Variants in GPC6 observed in about 807,000 individuals in gnomAD.
The protein encoded by GPC6 is glypican 6.
Under a neutral mutation model 55.2 loss-of-function variants are expected in GPC6, and 14 were observed. That is an observed-to-expected ratio of 0.25 (90% confidence interval 0.17 to 0.40). The LOEUF (loss-of-function observed/expected upper bound fraction) is 0.40, where lower values mean the gene tolerates loss of function less well. Among genes scored for constraint, GPC6 ranks in the 10% least tolerant of loss-of-function variants. GPC6 has a pLI of 1.00. For missense variants in GPC6, 641 were observed against 708.5 expected (o/e 0.90, Z 1.08); for synonymous variants, 278 against 259.6 (o/e 1.07, Z -0.68).
intron 4 of GPC6, among the ~76,000 whole-genome samples, chr13:94,156,344 AG>A (rs1036451639): frequency 2.6e-5 from 4 of 152,152 alleles, no homozygotes; most frequent in African/African-American, 9.7e-5. Flanking sequence ...TAGATCTGAA[AG>A]GGGTAATGAA....
intron 4 of GPC6, among the ~76,000 whole-genome samples, chr13:94,132,055 C>T (rs1330902605): frequency 6.6e-6 from 1 of 152,078 alleles, no homozygotes; most frequent in Non-Finnish European, 1.5e-5. Context: ...CTCCCTGGCT[C>T]CATTTCCTGT....
chr13:93,665,283 T>C (rs1164626851), intron 2 of GPC6, among the ~76,000 whole-genome samples: 3 of 152,214 alleles, frequency 2.0e-5, no homozygotes, highest in Non-Finnish European at 4.4e-5. Flanking sequence ...TGCAAAATAA[T>C]TGAACTGATT....
At chr13:93,567,008 A>G (rs1370554738) in intron 2 of GPC6, among the ~76,000 whole-genome samples, 1 of 152,172 alleles carries the variant, frequency 6.6e-6, no homozygotes, top group Non-Finnish European at 1.5e-5. Flanking sequence ...TATTGTGAAC[A>G]GTGCTGTAAT....
intron 1 of GPC6, among the ~76,000 whole-genome samples, chr13:93,533,784 C>A (rs1231468864): frequency 1.3e-5 from 2 of 151,306 alleles, no homozygotes; most frequent in African/African-American, 4.9e-5. Flanking sequence ...GTTGCTCTTG[C>A]TGTCAGCCAC....
At chr13:93,481,639 A>T (rs1391576866) in intron 1 of GPC6, among the ~76,000 whole-genome samples, 1 of 150,074 alleles carries the variant, frequency 6.7e-6, no homozygotes, top group Admixed American at 6.6e-5. Context: ...ATCCAGCTTC[A>T]TTTTTTTTTT....
intron 2 of GPC6, among the ~76,000 whole-genome samples, chr13:93,811,913 GC>G (rs1365695229): frequency 6.6e-6 from 1 of 152,048 alleles, no homozygotes; most frequent in Non-Finnish European, 1.5e-5. Flanking sequence ...CTACCCTGCA[GC>G]CACACTTACT....
At chr13:93,988,682 C>T (rs994725862) in intron 3 of GPC6, among the ~76,000 whole-genome samples, 1 of 151,936 alleles carries the variant, frequency 6.6e-6, no homozygotes, top group African/African-American at 2.4e-5. Flanking sequence ...TCATGAGATC[C>T]CCACCCTCAT....
intron 1 of GPC6, among the ~76,000 whole-genome samples, chr13:93,249,557 A>G (rs1348046643): frequency 6.6e-6 from 1 of 152,202 alleles, no homozygotes; most frequent in African/African-American, 2.4e-5. Context: ...ACTTTTGGGA[A>G]AAAAATGTTA....
chr13:93,746,652 A>T (rs1356923872), intron 2 of GPC6, among the ~76,000 whole-genome samples: 3 of 152,126 alleles, frequency 2.0e-5, no homozygotes, highest in Admixed American at 1.3e-4. Context: ...CATATTCAAG[A>T]CTCTTCTGAT....
chr13:94,372,570 C>T lies in GPC6; in HGVS notation c.1153-9844C>T, dbSNP rs183762204. 3.6e-3 allele frequency among the ~76,000 whole-genome samples: 548 copies of T among 151,592 alleles called. 1 individual carries two copies. Among genetic ancestry groups the T allele is most frequent in the South Asian group, 8.6e-3 (41 of 4,748 alleles). ...CCTGGCTCGGAGGGTCCTACGCCCA[C>T]GGAGTCTCGCTGATTGCTAGCACAG... On this transcript the variant is annotated intron_variant, in intron 6 of 8. Transcript: ENST00000377047.
rs188365389 is a variant in GPC6, at chr13:94,242,093, G to A, written c.878-44256G>A. Among the ~76,000 whole-genome samples the A allele has an allele frequency of 3.3e-3, 480 of 144,092 alleles. 1 individual carries two copies. The highest frequency in any genetic ancestry group is 0.011 in the African/African-American group (447 of 39,516). The allele number at this position is 144,092 out of a possible 152,430, so 94.5% of individuals were successfully genotyped here. On this transcript the variant is annotated intron_variant, in intron 4 of 8. Coordinates refer to ENST00000377047, the MANE Select transcript of GPC6 (RefSeq NM_005708.5). ...CTCCCCCCACCCCACAACAGGCCCCGGTGTGTGATGTTCCCCTTCCTGTGT... is the reference window on the plus strand; with the variant it reads ...CTCCCCCCACCCCACAACAGGCCCCAGTGTGTGATGTTCCCCTTCCTGTGT...
At chr13:94,299,869 C>T (rs371039851) in intron 5 of GPC6, among the ~76,000 whole-genome samples, 16 of 152,222 alleles carry the variant, frequency 1.1e-4, no homozygotes, top group South Asian at 2.1e-4. Context: ...AATGAAGATA[C>T]GATAGCTTCT....
intron 2 of GPC6, among the ~76,000 whole-genome samples, chr13:93,620,406 A>T (rs1440957453): frequency 1.3e-5 from 2 of 152,184 alleles, no homozygotes; most frequent in African/African-American, 4.8e-5. Flanking sequence ...TATGTTAGTT[A>T]TATTGTAGTT....
At chr13:93,686,430 CTG>C (rs1882048702) in intron 2 of GPC6, among the ~76,000 whole-genome samples, 1 of 152,088 alleles carries the variant, frequency 6.6e-6, no homozygotes, top group Admixed American at 6.6e-5. Flanking sequence ...TTTGGAGTCT[CTG>C]TGATCCCATT....
At chr13:94,344,707 A>G (rs1878201710) in intron 6 of GPC6, among the ~76,000 whole-genome samples, 1 of 152,146 alleles carries the variant, frequency 6.6e-6, no homozygotes, top group African/African-American at 2.4e-5. Context: ...TTTGCACACT[A>G]TTTTTAGTAT....
At chr13:93,980,206 A>G (rs1880733255) in intron 3 of GPC6, among the ~76,000 whole-genome samples, 1 of 152,152 alleles carries the variant, frequency 6.6e-6, no homozygotes, top group Non-Finnish European at 1.5e-5. Flanking sequence ...TTGTCACATG[A>G]TGAATTTAAA....
chr13:93,849,164 TA>T (rs1221406268), intron 3 of GPC6, among the ~76,000 whole-genome samples: 2 of 152,166 alleles, frequency 1.3e-5, no homozygotes, highest in African/African-American at 4.8e-5. Context: ...AGACGTTGAA[TA>T]AATATTATTA....
chr13:94,200,958 G>A (rs575597186), intron 4 of GPC6, among the ~76,000 whole-genome samples: 6 of 152,228 alleles, frequency 3.9e-5, no homozygotes, highest in Non-Finnish European at 5.9e-5. Flanking sequence ...AACAGGCAGC[G>A]CAAAAGGCAG....
At chr13:93,973,040 C>G (rs1340706899) in intron 3 of GPC6, among the ~76,000 whole-genome samples, 1 of 152,064 alleles carries the variant, frequency 6.6e-6, no homozygotes, top group African/African-American at 2.4e-5. Flanking sequence ...CAAGAGTCCA[C>G]TGCACTACAG....
Sources: allele counts gnomAD v4.1 joint callset (sites outside exome capture counted in the v4.1 genomes callset), GRCh38; gene constraint gnomAD v4.1.1; transcripts MANE v1.5; gene names NCBI Gene and HGNC (gene_info 2026-07-23, HGNC 2026-07-21).